DTNB: variants seen among roughly 807,000 people sequenced by gnomAD.
DTNB encodes the protein DTN-B.
DTNB carries 63 observed loss-of-function variants against 90.7 expected under a neutral mutation model. The observed-to-expected ratio is 0.69, with a 90% CI of 0.57 to 0.86. DTNB has a LOEUF of 0.86. Among genes scored for constraint, DTNB ranks in the 40% least tolerant of loss-of-function variants. The probability of loss-of-function intolerance (pLI) is 0.00; values close to 1 mark genes in which losing one functional copy is unlikely to be tolerated. For missense variants in DTNB, 744 were observed against 807.1 expected (o/e 0.92, Z 0.95); for synonymous variants, 277 against 286.7 (o/e 0.97, Z 0.34).
chr2:25,578,930 T>C (rs1322244598), intron 7 of DTNB, among the ~76,000 whole-genome samples: 1 of 152,118 alleles, frequency 6.6e-6, no homozygotes. Context: ...AATTAAGACA[T>C]ACAGAAAAAT....
At chr2:25,612,989 AAAG>A (rs2069060114) in intron 4 of DTNB, among the ~76,000 whole-genome samples, 1 of 152,228 alleles carries the variant, frequency 6.6e-6, no homozygotes, top group Admixed American at 6.5e-5. Context: ...CTAAACATTT[AAAG>A]AAGAAAAACT....
At chr2:25,467,673 C>A (rs548174188) in intron 10 of DTNB, among the ~76,000 whole-genome samples, 4 of 152,042 alleles carry the variant, frequency 2.6e-5, no homozygotes, top group South Asian at 2.1e-4. Flanking sequence ...TATAAAGTAC[C>A]TTTTATCAGC....
chr2:25,628,223 C>A lies in DTNB; in HGVS notation c.310G>T (p.Val104Leu). 2 of 1,613,460 alleles carry A rather than the reference C, an allele frequency of 1.2e-6. No individual in the cohort carries two copies. Among genetic ancestry groups the A allele is most frequent in the Non-Finnish European group, 1.7e-6 (2 of 1,179,868 alleles). The change falls in exon 4 of 21, where the codon GTG becomes TTG. Residue 104 changes from valine to leucine, a missense_variant. Val to Leu is a conservative substitution (Grantham distance 32). Transcript: ENST00000406818. ...AGGAGGAGGCTGATAGATTGTTCCACACTAATTTGGTGAGTAGAAGGAAGG... is the reference window on the plus strand; with the variant it reads ...AGGAGGAGGCTGATAGATTGTTCCAAACTAATTTGGTGAGTAGAAGGAAGG... The part of the protein sequence containing the change: ...KRLPSTHQIS[V>L]EQSISLLLNF...
intron 10 of DTNB, among the ~76,000 whole-genome samples, chr2:25,474,982 ATCTC>A (rs372460180): frequency 6.6e-6 from 1 of 151,720 alleles, no homozygotes; most frequent in Non-Finnish European, 1.5e-5. Context: ...TTCACTGACC[ATCTC>A]TCTCTCTCTC....
At chr2:25,500,372 A>T (rs2070269526) in intron 9 of DTNB, among the ~76,000 whole-genome samples, 2 of 152,204 alleles carry the variant, frequency 1.3e-5, no homozygotes, top group South Asian at 4.1e-4. Flanking sequence ...TGTGAGTGGG[A>T]GGAGTAATGA....
At chr2:25,438,942 T>G (rs2056679485) in intron 12 of DTNB, among the ~76,000 whole-genome samples, 1 of 152,112 alleles carries the variant, frequency 6.6e-6, no homozygotes, top group Non-Finnish European at 1.5e-5. Flanking sequence ...TCGGACAAAT[T>G]ACAGTTATTA....
Position 25,511,542 on chromosome 2 carries a change from G to A in DTNB, c.1001+19931C>T, listed in dbSNP as rs145236511. ...AGATGGGGTTTCATCATATTGGTCA[G>A]GCTGGTCTCGAACTCCTGACCTCAG... On this transcript the variant is annotated intron_variant, in intron 9 of 20. Transcript: ENST00000406818. Among the ~76,000 whole-genome samples, 79 of 152,200 alleles carry A rather than the reference G, an allele frequency of 5.2e-4. No homozygotes were observed. In the East Asian group the frequency reaches 0.014, roughly 27 times the overall value.
At chr2:25,609,364 C>A (rs985829247) in intron 4 of DTNB, among the ~76,000 whole-genome samples, 1 of 151,882 alleles carries the variant, frequency 6.6e-6, no homozygotes, top group East Asian at 1.9e-4. Context: ...TTTGGGAGGC[C>A]GAGGCAGGCA....
At chr2:25,549,751 C>T (rs2083195040) in intron 8 of DTNB, among the ~76,000 whole-genome samples, 1 of 152,126 alleles carries the variant, frequency 6.6e-6, no homozygotes, top group Non-Finnish European at 1.5e-5. Flanking sequence ...GCCTTGACCT[C>T]CTGAGCTCAA....
At chr2:25,614,328 G>A (rs2069562919) in intron 4 of DTNB, among the ~76,000 whole-genome samples, 1 of 152,014 alleles carries the variant, frequency 6.6e-6, no homozygotes. Context: ...GAACCCAGCT[G>A]GTGAAATAAG....
intron 8 of DTNB, among the ~76,000 whole-genome samples, chr2:25,561,992 T>A (rs779078410): frequency 7.9e-5 from 12 of 152,162 alleles, no homozygotes; most frequent in Non-Finnish European, 1.3e-4. Flanking sequence ...CAACCATAAC[T>A]AATATCTAAT....
intron 4 of DTNB, among the ~76,000 whole-genome samples, chr2:25,624,399 C>CTCAACT (rs1198823403): frequency 6.6e-6 from 1 of 152,166 alleles, no homozygotes; most frequent in African/African-American, 2.4e-5. Flanking sequence ...CTTCCTTAAC[C>CTCAACT]TCAACTTCAA....
chr2:25,443,092 A>G (rs1157240306), intron 12 of DTNB, among the ~76,000 whole-genome samples: 2 of 152,216 alleles, frequency 1.3e-5, no homozygotes, highest in African/African-American at 4.8e-5. Flanking sequence ...TTAAACAATA[A>G]TCAAAGACCT....
chr2:25,576,662 T>C, intron 8 of DTNB, 176 bp downstream of exon 8: 1 of 808,400 alleles, frequency 1.2e-6, no homozygotes, highest in Non-Finnish European at 1.8e-6. Context: ...AAATTCTGCT[T>C]TTAAAATCAA....
At chr2:25,433,783 C>G in intron 13 of DTNB, 127 bp downstream of exon 13, 1 of 1,020,564 alleles carries the variant, frequency 9.8e-7, no homozygotes, top group South Asian at 1.5e-5. Flanking sequence ...CTTGGGCTAG[C>G]CTAGGTTCAC....
intron 8 of DTNB, among the ~76,000 whole-genome samples, chr2:25,568,931 C>A (rs961981506): frequency 1.3e-5 from 2 of 152,234 alleles, no homozygotes; most frequent in Non-Finnish European, 2.9e-5. Context: ...AAGGCCTGTG[C>A]CTCGGCCATG....
rs200625582 is a variant in DTNB, at chr2:25,433,019, G to A, written c.1344-20C>T. On this transcript the variant is annotated intron_variant, in intron 13 of 20. Transcript: ENST00000406818. ...ATCTCTCTAGAGAGGATGGGTGAACGGAAAGGGGCTGCACAGTGCTTCTCA... is the reference window on the plus strand; with the variant it reads ...ATCTCTCTAGAGAGGATGGGTGAACAGAAAGGGGCTGCACAGTGCTTCTCA... 2.1e-4 allele frequency: 331 copies of A among 1,583,260 alleles called. 4 individuals are homozygous for A. Among genetic ancestry groups the A allele is most frequent in the South Asian group, 1.8e-3 (152 of 86,702 alleles).
intron 10 of DTNB, among the ~76,000 whole-genome samples, chr2:25,463,530 G>T (rs901767385): frequency 1.3e-5 from 2 of 152,212 alleles, no homozygotes; most frequent in Admixed American, 6.5e-5. Context: ...TTTCAGTAGT[G>T]GCTGCACAAC....
intron 16 of DTNB, chr2:25,388,708 A>C: frequency 4.0e-6 from 1 of 251,852 alleles, no homozygotes; most frequent in Non-Finnish European, 7.6e-6. Context: ...TAACATGCAA[A>C]CAGCTTTCAT....
Sources: gnomAD v4.1 joint callset for allele counts (sites outside exome capture counted in the v4.1 genomes callset) on GRCh38, gnomAD v4.1.1 for gene constraint, MANE v1.5 for transcripts, NCBI Gene and HGNC (gene_info 2026-07-23, HGNC 2026-07-21) for gene names.